PRICKLE1: variants seen among roughly 807,000 people sequenced by gnomAD.
PRICKLE1 encodes prickle-like protein 1.
In PRICKLE1, 14 loss-of-function variants were observed where a neutral mutation model predicts 70.2. The observed-to-expected ratio is 0.20, with a 90% CI of 0.13 to 0.31. PRICKLE1 has a LOEUF of 0.31. PRICKLE1 is among the 10% of genes least tolerant of loss of function. The pLI is 1.00. For missense variants in PRICKLE1, 821 were observed against 1,026.2 expected (o/e 0.80, Z 2.73); for synonymous variants, 357 against 379.9 (o/e 0.94, Z 0.70).
intron 1 of PRICKLE1, among the ~76,000 whole-genome samples, chr12:42,545,430 C>T (rs1940190786): frequency 6.6e-6 from 1 of 152,220 alleles, no homozygotes; most frequent in Admixed American, 6.5e-5. Flanking sequence ...TGCAGTTTCT[C>T]ATTGTAAGAA....
intron 6 of PRICKLE1, chr12:42,465,842 G>C (rs1164970632): frequency 5.3e-6 from 2 of 379,480 alleles, no homozygotes; most frequent in African/African-American, 2.1e-5. Context: ...TAAGGCAGTG[G>C]CTTTAAGCAA....
At chr12:42,543,041 C>G (rs1174837993) in intron 1 of PRICKLE1, among the ~76,000 whole-genome samples, 2 of 152,200 alleles carry the variant, frequency 1.3e-5, no homozygotes, top group Non-Finnish European at 2.9e-5. Flanking sequence ...GACACTGCGA[C>G]AGGCATCATT....
intron 1 of PRICKLE1, among the ~76,000 whole-genome samples, chr12:42,509,681 A>T (rs779236229): frequency 6.6e-6 from 1 of 152,124 alleles, no homozygotes; most frequent in African/African-American, 2.4e-5. Context: ...AATAACAATA[A>T]TAATAATAAT....
At chr12:42,530,761 A>T (rs920079554) in intron 1 of PRICKLE1, among the ~76,000 whole-genome samples, 1 of 130,964 alleles carries the variant, frequency 7.6e-6, no homozygotes. Flanking sequence ...ATCTCAGCTC[A>T]CTGCAACCTC....
chr12:42,566,309 G>A (rs1158366018), intron 1 of PRICKLE1, among the ~76,000 whole-genome samples: 2 of 152,160 alleles, frequency 1.3e-5, no homozygotes, highest in Non-Finnish European at 2.9e-5. Context: ...AGGAGTTAAG[G>A]ATAACATCCA....
rs555008439 is a variant in PRICKLE1 at position 42,459,807 on chromosome 12, G to A, written c.*2C>T. The A allele has an allele frequency of 1.9e-6, 3 of 1,613,968 alleles. No homozygotes were observed. Among genetic ancestry groups the A allele is most frequent in the Non-Finnish European group, 2.5e-6 (3 of 1,179,988 alleles). On this transcript the variant is annotated 3_prime_UTR_variant, in exon 8 of 8. Transcript: ENST00000345127. ...AAACAAATGCTCTGCATCACTACTT[G>A]GTTAAGAAATAATACAATTTTTGCC...
intron 1 of PRICKLE1, among the ~76,000 whole-genome samples, chr12:42,572,879 G>T (rs1364545359): frequency 6.6e-6 from 1 of 152,098 alleles, no homozygotes; most frequent in African/African-American, 2.4e-5. Flanking sequence ...CTAACCACCA[G>T]GAAGTAAATC....
intron 1 of PRICKLE1, among the ~76,000 whole-genome samples, chr12:42,586,405 T>TC (rs1339736600): frequency 1.3e-5 from 2 of 151,656 alleles, no homozygotes; most frequent in Admixed American, 6.6e-5. Flanking sequence ...TTTTTTTTTT[T>TC]CCCCAGAGAT....
intron 5 of PRICKLE1, 34 bp from the exon 6 acceptor site, chr12:42,466,414 G>GTTCC: frequency 6.3e-7 from 1 of 1,596,450 alleles, no homozygotes; most frequent in Admixed American, 1.7e-5. Context: ...GAGAATGAAA[G>GTTCC]AAAATCATTA....
rs186796871 is a variant in PRICKLE1 at position 42,481,028 on chromosome 12, G to A, written c.-48-8464C>T. Among the ~76,000 whole-genome samples the A allele has an allele frequency of 7.6e-3, 1,150 of 152,274 alleles. 8 individuals are homozygous for A. The highest frequency in any genetic ancestry group is 0.026 in the African/African-American group (1,100 of 41,544). On this transcript the variant is annotated intron_variant, in intron 1 of 7. Transcript: ENST00000345127. ...AGCTTACACATAGTGACTTGGGGAG[G>A]GAAAGTAAAAGGAACTAATAGGAAA...
chr12:42,532,965 C>T (rs1592007773), intron 1 of PRICKLE1, among the ~76,000 whole-genome samples: 1 of 151,780 alleles, frequency 6.6e-6, no homozygotes, highest in Admixed American at 6.6e-5. Flanking sequence ...TCAATTCAGA[C>T]TAGCCACAAT....
At chr12:42,581,294 A>G (rs1484401380) in intron 1 of PRICKLE1, among the ~76,000 whole-genome samples, 2 of 152,096 alleles carry the variant, frequency 1.3e-5, no homozygotes, top group Non-Finnish European at 2.9e-5. Context: ...TCACACAGTT[A>G]TTGTACTAGT....
chr12:42,555,026 G>T (rs1427435407), intron 1 of PRICKLE1, among the ~76,000 whole-genome samples: 2 of 152,088 alleles, frequency 1.3e-5, no homozygotes, highest in Non-Finnish European at 2.9e-5. Flanking sequence ...TCTCAGGCCG[G>T]GCGCAGTGGC....
At chr12:42,570,096 A>G (rs1006807738) in intron 1 of PRICKLE1, among the ~76,000 whole-genome samples, 1 of 152,258 alleles carries the variant, frequency 6.6e-6, no homozygotes, top group Non-Finnish European at 1.5e-5. Flanking sequence ...GGAATAGTGC[A>G]TGACACCTGA....
intron 3 of PRICKLE1, 125 bp downstream of exon 3, chr12:42,470,118 AATT>A (rs1938256809): frequency 1.4e-6 from 1 of 711,056 alleles, no homozygotes; most frequent in African/African-American, 1.8e-5. Context: ...TCTCTGGCCA[AATT>A]TTAACTAAAG....
intron 1 of PRICKLE1, among the ~76,000 whole-genome samples, chr12:42,511,905 AG>A (rs1939519788): frequency 1.3e-5 from 2 of 152,180 alleles, no homozygotes; most frequent in South Asian, 4.1e-4. Flanking sequence ...CCATTATTAT[AG>A]GGAATCTTTT....
chr12:42,530,424 G>T (rs1439923321), intron 1 of PRICKLE1, among the ~76,000 whole-genome samples: 2 of 152,072 alleles, frequency 1.3e-5, no homozygotes, highest in African/African-American at 4.8e-5. Context: ...TCACTGTTCA[G>T]TCCACTAAAT....
intron 1 of PRICKLE1, among the ~76,000 whole-genome samples, chr12:42,526,834 T>C (rs1939809682): frequency 6.6e-6 from 1 of 151,680 alleles, no homozygotes. Context: ...AAAATAATGA[T>C]GACGACGATG....
At chr12:42,583,865 C>T (rs954640246) in intron 1 of PRICKLE1, among the ~76,000 whole-genome samples, 4 of 152,108 alleles carry the variant, frequency 2.6e-5, no homozygotes, top group African/African-American at 9.7e-5. Flanking sequence ...TCTTGGATAC[C>T]CTCTAGCTCT....
Sources: allele counts gnomAD v4.1 joint callset (sites outside exome capture counted in the v4.1 genomes callset), GRCh38; gene constraint gnomAD v4.1.1; transcripts MANE v1.5; gene names NCBI Gene and HGNC (gene_info 2026-07-23, HGNC 2026-07-21).